Variants in ADCY5 observed in about 807,000 individuals in gnomAD.
ADCY5 encodes the protein adenylate cyclase 5.
ADCY5 carries 30 observed loss-of-function variants against 119.7 expected under a neutral mutation model. The ratio of observed to expected loss-of-function variants is 0.25; its 90% confidence interval spans 0.19 to 0.34. ADCY5 has a LOEUF of 0.34. ADCY5 is among the 10% of genes least tolerant of loss of function. The pLI is 1.00. For missense variants in ADCY5, 1,324 were observed against 1,775.2 expected (o/e 0.75, Z 4.57); for synonymous variants, 753 against 762.2 (o/e 0.99, Z 0.20).
intron 14 of ADCY5, among the ~76,000 whole-genome samples, chr3:123,302,074 A>G (rs1310553102): frequency 6.6e-6 from 1 of 152,250 alleles, no homozygotes; most frequent in Non-Finnish European, 1.5e-5. Context: ...CCTCAGCTGC[A>G]GTCACAGGCC....
At chr3:123,375,633 G>A (rs1022183413) in intron 1 of ADCY5, among the ~76,000 whole-genome samples, 7 of 152,258 alleles carry the variant, frequency 4.6e-5, no homozygotes, top group Admixed American at 1.3e-4. Flanking sequence ...AAGAATGCTC[G>A]AGGGGTCAGA....
Position 123,286,833 on chromosome 3 carries a change from C to A in ADCY5, c.3533-24G>T. Reference sequence around the variant, plus strand: ...CCCTGCAGGGGACAGGAATCAGCCACAGTCATCACATCTCTGGCTTGACCT... The same window carrying A: ...CCCTGCAGGGGACAGGAATCAGCCAAAGTCATCACATCTCTGGCTTGACCT... On this transcript the variant is annotated intron_variant, in intron 19 of 20. Coordinates refer to ENST00000462833, the MANE Select transcript of ADCY5 (RefSeq NM_183357.3). The surrounding 1 kb of genome is among the most constrained non-coding windows in gnomAD (Gnocchi z 4.2). 1 of 1,572,064 alleles carries A rather than the reference C, an allele frequency of 6.4e-7. No homozygotes were observed. Among genetic ancestry groups the A allele is most frequent in the South Asian group, 1.2e-5 (1 of 83,534 alleles).
Position 123,352,700 on chromosome 3 carries a change from G to A in ADCY5, c.1135-119C>T. On this transcript the variant is annotated intron_variant, in intron 1 of 20. Transcript: ENST00000462833. This position sits in a 1 kb window ranked among gnomAD's most constrained non-coding sequence, Gnocchi z 4.8. ...CCTGGCGCTAGCAAACAAATGCTGAGGGCACCCCACACGCGGCCAACCACT... is the reference window on the plus strand; with the variant it reads ...CCTGGCGCTAGCAAACAAATGCTGAAGGCACCCCACACGCGGCCAACCACT... 8.0e-7 allele frequency: 1 copy of A among 1,249,218 alleles called. No homozygotes were observed. The highest frequency in any genetic ancestry group is 1.1e-6 in the Non-Finnish European group (1 of 918,944). The allele number at this position is 1,249,218 out of a possible 1,614,324, so 77.4% of individuals were successfully genotyped here.
At chr3:123,423,201 C>T (rs1186420716) in intron 1 of ADCY5, among the ~76,000 whole-genome samples, 1 of 152,188 alleles carries the variant, frequency 6.6e-6, no homozygotes, top group Non-Finnish European at 1.5e-5. Flanking sequence ...TCACATCCGC[C>T]TCCTCCTTAC....
chr3:123,319,519 C>T (rs967612656), intron 10 of ADCY5, among the ~76,000 whole-genome samples, 155 bp downstream of exon 10: 3 of 152,136 alleles, frequency 2.0e-5, no homozygotes, highest in Non-Finnish European at 2.9e-5. Context: ...CCCTAGAACT[C>T]GCATCTCTCT....
Position 123,373,690 on chromosome 3 carries a change from C to T in ADCY5, c.1135-21109G>A, listed in dbSNP as rs117755157. ...AAGCCCTCTGCCAGCACTCACGAGG[C>T]TGGGCCCGGCTTTCATCACCGACAC... On this transcript the variant is annotated intron_variant, in intron 1 of 20. Coordinates refer to ENST00000462833, the MANE Select transcript of ADCY5 (RefSeq NM_183357.3). 3.5e-4 allele frequency among the ~76,000 whole-genome samples: 52 copies of T among 150,512 alleles called. No homozygotes were observed. In the East Asian group the frequency reaches 9.6e-3, roughly 28 times the overall value.
intron 15 of ADCY5, among the ~76,000 whole-genome samples, chr3:123,297,909 G>A (rs1054739282): frequency 3.9e-5 from 6 of 152,190 alleles, no homozygotes; most frequent in Middle Eastern, 3.2e-3. Context: ...TGATATTTTG[G>A]CTATATAGTA....
chr3:123,287,692 C>T (rs867088354), intron 19 of ADCY5, among the ~76,000 whole-genome samples: 4 of 152,296 alleles, frequency 2.6e-5, no homozygotes, highest in Middle Eastern at 3.4e-3. Flanking sequence ...CCTTCCAAGC[C>T]GCAGGCAGCT....
At chr3:123,327,231 C>T (rs535220694) in intron 7 of ADCY5, among the ~76,000 whole-genome samples, 9 of 152,246 alleles carry the variant, frequency 5.9e-5, no homozygotes, top group African/African-American at 1.4e-4. Context: ...TGGAGATGGA[C>T]ACCGATCTAT....
intron 1 of ADCY5, among the ~76,000 whole-genome samples, chr3:123,415,560 T>C (rs1267672409): frequency 6.6e-6 from 1 of 151,968 alleles, no homozygotes; most frequent in Non-Finnish European, 1.5e-5. Flanking sequence ...GTTTAGAAAA[T>C]GATTACTTTT....
chr3:123,441,770 C>T (rs1390101042), intron 1 of ADCY5, among the ~76,000 whole-genome samples: 1 of 152,110 alleles, frequency 6.6e-6, no homozygotes, highest in Non-Finnish European at 1.5e-5. Flanking sequence ...AATCAGAGGC[C>T]GTTGTATTTC....
Position 123,437,807 on chromosome 3 carries a change from T to A in ADCY5, c.1134+9605A>T, listed in dbSNP as rs376108645. 1.6e-4 allele frequency among the ~76,000 whole-genome samples: 25 copies of A among 152,234 alleles called. No individual in the cohort carries two copies. The South Asian group carries it at 1.9e-3, about 11-fold the overall frequency. ...CTTAGGAAAAGTTCCAGAAAGACAT[T>A]CAAGGGACCCCAAGCCCACCAAGGG... On this transcript the variant is annotated intron_variant, in intron 1 of 20. Coordinates refer to ENST00000462833, the MANE Select transcript of ADCY5 (RefSeq NM_183357.3).
chr3:123,443,534 C>T (rs1945759106), intron 1 of ADCY5, among the ~76,000 whole-genome samples: 1 of 152,116 alleles, frequency 6.6e-6, no homozygotes, highest in African/African-American at 2.4e-5. Flanking sequence ...ATTCCTACCC[C>T]CACCCCTCAT....
intron 1 of ADCY5, among the ~76,000 whole-genome samples, chr3:123,394,426 TGG>T (rs1944485498): frequency 6.6e-6 from 1 of 152,228 alleles, no homozygotes; most frequent in Non-Finnish European, 1.5e-5. Context: ...AGGCATCTGA[TGG>T]GACAAAGTAG....
rs1938441264 is a variant in ADCY5, at chr3:123,282,552, G to A, written c.*2056C>T. The A allele has an allele frequency of 6.6e-6, 1 of 152,286 alleles. No individual in the cohort carries two copies. The highest frequency in any genetic ancestry group is 2.1e-4 in the South Asian group (1 of 4,828). 9.4% of individuals were successfully genotyped at this position (152,286 alleles called of 1,614,324 possible). A position where few individuals can be genotyped will look rare whatever the true frequency, so the allele number is the denominator to read the frequency against. On this transcript the variant is annotated 3_prime_UTR_variant, in exon 21 of 21. Coordinates refer to ENST00000462833, the MANE Select transcript of ADCY5 (RefSeq NM_183357.3). Reference sequence around the variant, plus strand: ...TCAGCACACACACTTTACTCAGGTTGGAAGCAGAACGAAAACCCAACACCA... The same window carrying A: ...TCAGCACACACACTTTACTCAGGTTAGAAGCAGAACGAAAACCCAACACCA...
At position 123,308,978 on chromosome 3, in the gene ADCY5, C is replaced by T. The variant is rs12633873; in HGVS notation, c.2443-4795G>A. The stretch of plus-strand genomic sequence containing the variant: ...ACCAGCCAATCACTTAATGCTTGCT[C>T]GCAATCAGAGCCCAGAAAAAGAACT... On this transcript the variant is annotated intron_variant, in intron 12 of 20. Transcript: ENST00000462833. 0.038 allele frequency among the ~76,000 whole-genome samples: 5,730 copies of T among 152,300 alleles called. 775 individuals carry two copies. In the East Asian group the frequency reaches 0.52, roughly 14 times the overall value.
chr3:123,432,531 TTTTA>T, intron 1 of ADCY5, among the ~76,000 whole-genome samples: 1 of 152,130 alleles, frequency 6.6e-6, no homozygotes, highest in East Asian at 1.9e-4. Context: ...TTTTACTTAT[TTTTA>T]TTTATTTTTT....
At chr3:123,299,997 G>A in intron 15 of ADCY5, 123 bp downstream of exon 15, 1 of 1,078,468 alleles carries the variant, frequency 9.3e-7, no homozygotes, top group Non-Finnish European at 1.3e-6. Flanking sequence ...TGTCAGGGCT[G>A]GGGAGGAACA....
At chr3:123,398,408 C>A (rs983859241) in intron 1 of ADCY5, among the ~76,000 whole-genome samples, 1 of 152,110 alleles carries the variant, frequency 6.6e-6, no homozygotes, top group African/African-American at 2.4e-5. Flanking sequence ...GGATCCTGAA[C>A]GGGGCTTGGT....
Sources: gnomAD v4.1 joint callset for allele counts (sites outside exome capture counted in the v4.1 genomes callset) on GRCh38, gnomAD v4.1.1 for gene constraint, Gnocchi (gnomAD v3.1) non-coding constraint, MANE v1.5 for transcripts, NCBI Gene and HGNC (gene_info 2026-07-23, HGNC 2026-07-21) for gene names.